SPECC1: variants seen among roughly 807,000 people sequenced by gnomAD.
The protein encoded by SPECC1 is sperm antigen with calponin homology and coiled-coil domains 1, also known as cytospin-B.
SPECC1 carries 62 observed loss-of-function variants against 104.1 expected under a neutral mutation model. The observed-to-expected ratio is 0.60, with a 90% CI of 0.49 to 0.74. The LOEUF (loss-of-function observed/expected upper bound fraction) is 0.74. SPECC1 is among the 30% of genes least tolerant of loss of function. The pLI is 0.00. For synonymous variants in SPECC1, 513 were observed against 501.6 expected (o/e 1.02, Z -0.30); for missense variants, 1,306 against 1,310.5 (o/e 1.00, Z 0.05).
intron 1 of SPECC1, among the ~76,000 whole-genome samples, chr17:20,034,358 A>G (rs1367540141): frequency 1.3e-5 from 2 of 152,162 alleles, no homozygotes; most frequent in African/African-American, 4.8e-5. Flanking sequence ...CGGCCTCCCA[A>G]AGTGCTGGGA....
intron 1 of SPECC1, among the ~76,000 whole-genome samples, chr17:20,021,269 A>G (rs1396131689): frequency 6.6e-6 from 1 of 152,012 alleles, no homozygotes; most frequent in Non-Finnish European, 1.5e-5. Context: ...TGTGCTATTC[A>G]AGGGTCACGC....
chr17:20,255,838 C>T (rs2039806089), intron 10 of SPECC1, among the ~76,000 whole-genome samples: 1 of 151,792 alleles, frequency 6.6e-6, no homozygotes, highest in East Asian at 1.9e-4. Context: ...TCCCAAAGCG[C>T]TGGGATTACA....
At chr17:20,216,594 C>T (rs2037504239) in intron 4 of SPECC1, among the ~76,000 whole-genome samples, 1 of 152,056 alleles carries the variant, frequency 6.6e-6, no homozygotes, top group African/African-American at 2.4e-5. Flanking sequence ...GCCTGCTTAT[C>T]CTCTGGGCCC....
At chr17:20,056,609 T>G (rs1352189956) in intron 1 of SPECC1, 1 of 191,988 alleles carries the variant, frequency 5.2e-6, no homozygotes, top group African/African-American at 2.3e-5. Flanking sequence ...CATAGAGGTT[T>G]CCTAAGACAC....
intron 1 of SPECC1, among the ~76,000 whole-genome samples, chr17:20,073,257 G>A (rs1457970269): frequency 1.3e-5 from 2 of 152,086 alleles, no homozygotes; most frequent in Non-Finnish European, 2.9e-5. Context: ...GTGGTGGGGC[G>A]TGGCTGAAGC....
At chr17:20,044,303 G>C (rs954874483) in intron 1 of SPECC1, among the ~76,000 whole-genome samples, 3 of 152,176 alleles carry the variant, frequency 2.0e-5, no homozygotes, top group African/African-American at 7.2e-5. Flanking sequence ...CGAGGTAGTG[G>C]TAAAGTATGG....
rs548183460 is a variant in SPECC1 at position 20,172,373 on chromosome 17, A to G, written c.284-31960A>G. On this transcript the variant is annotated intron_variant, in intron 3 of 14. Coordinates refer to ENST00000395527, the MANE Select transcript of SPECC1 (RefSeq NM_001243439.2). ...GTTTACTCCTGTTATTTTTACTCTC[A>G]AAAAGTGCCCCAATTTGGAAGATAA... 3.8e-3 allele frequency among the ~76,000 whole-genome samples: 576 copies of G among 152,280 alleles called. 2 individuals carry two copies. The highest frequency in any genetic ancestry group is 0.011 in the South Asian group (55 of 4,828).
chr17:20,213,384 C>A (rs1461007128), intron 4 of SPECC1, among the ~76,000 whole-genome samples: 1 of 152,134 alleles, frequency 6.6e-6, no homozygotes. Flanking sequence ...GGTGAGCCAA[C>A]GTACCCAGAG....
chr17:20,242,909 G>C (rs940737699), intron 7 of SPECC1, among the ~76,000 whole-genome samples: 1 of 152,100 alleles, frequency 6.6e-6, no homozygotes, highest in Non-Finnish European at 1.5e-5. Flanking sequence ...TGAAATTATC[G>C]ATTATTATCC....
At chr17:20,068,959 T>C (rs924912557) in intron 1 of SPECC1, among the ~76,000 whole-genome samples, 4 of 152,220 alleles carry the variant, frequency 2.6e-5, no homozygotes, top group Non-Finnish European at 4.4e-5. Flanking sequence ...TATCTTTTCA[T>C]TTTCTTTTTT....
intron 1 of SPECC1, among the ~76,000 whole-genome samples, chr17:20,071,080 G>A (rs2046533927): frequency 6.6e-6 from 1 of 151,986 alleles, no homozygotes; most frequent in Admixed American, 6.6e-5. Flanking sequence ...GAGTTCGGTG[G>A]CTATTTGCAA....
chr17:20,137,072 T>A (rs1717947518), intron 3 of SPECC1, among the ~76,000 whole-genome samples: 1 of 152,254 alleles, frequency 6.6e-6, no homozygotes, highest in Non-Finnish European at 1.5e-5. Context: ...CGGAAACCAC[T>A]CAGCTCCTTT....
At chr17:20,109,250 A>G (rs1254502915) in intron 2 of SPECC1, among the ~76,000 whole-genome samples, 1 of 152,224 alleles carries the variant, frequency 6.6e-6, no homozygotes, top group African/African-American at 2.4e-5. Flanking sequence ...TTTTCCCTTC[A>G]GCCTGTGTGA....
chr17:20,194,502 ATTTT>A (rs1209589252), intron 3 of SPECC1, among the ~76,000 whole-genome samples: 10 of 86,564 alleles, frequency 1.2e-4, no homozygotes, highest in East Asian at 3.9e-4. Context: ...AAGAGAACGA[ATTTT>A]TTTTTTTTTT....
At chr17:20,107,597 C>T (rs1422310686) in intron 2 of SPECC1, among the ~76,000 whole-genome samples, 1 of 151,840 alleles carries the variant, frequency 6.6e-6, no homozygotes, top group Non-Finnish European at 1.5e-5. Context: ...GCTGGGATTA[C>T]AGGCATGTGT....
intron 1 of SPECC1, among the ~76,000 whole-genome samples, chr17:20,055,872 G>A (rs146063341): frequency 6.6e-6 from 1 of 152,296 alleles, no homozygotes; most frequent in African/African-American, 2.4e-5. Context: ...TTGCAGGCTT[G>A]TGCTCAGCTG....
rs1262184313 is a variant in SPECC1 at position 20,317,621 on chromosome 17, G to A, written c.*3556G>A. The A allele has an allele frequency of 1.5e-5, 3 of 194,326 alleles. No individual in the cohort carries two copies. Among genetic ancestry groups the A allele is most frequent in the Non-Finnish European group, 2.1e-5 (2 of 93,498 alleles). 12.0% of individuals were successfully genotyped at this position (194,326 alleles called of 1,614,324 possible). A position where few individuals can be genotyped will look rare whatever the true frequency, so the allele number is the denominator to read the frequency against. ...GGCACCTGTAATCTCAGCTGCTTGG[G>A]AGGCTGAGGTGGGAGCATCACTTGA... On this transcript the variant is annotated 3_prime_UTR_variant, in exon 15 of 15. Coordinates refer to ENST00000395527, the MANE Select transcript of SPECC1 (RefSeq NM_001243439.2).
intron 1 of SPECC1, among the ~76,000 whole-genome samples, chr17:20,083,198 G>A (rs962758916): frequency 1.3e-5 from 2 of 152,184 alleles, no homozygotes; most frequent in Admixed American, 1.3e-4. Context: ...TAGGCAGCAG[G>A]CACAGCAGAA....
chr17:20,203,773 G>A (rs987154278), intron 3 of SPECC1, among the ~76,000 whole-genome samples: 2 of 152,220 alleles, frequency 1.3e-5, no homozygotes, highest in Non-Finnish European at 2.9e-5. Context: ...TAAATTGCAA[G>A]TTACAGAAAA....
Sources: allele counts gnomAD v4.1 joint callset (sites outside exome capture counted in the v4.1 genomes callset), GRCh38; gene constraint gnomAD v4.1.1; transcripts MANE v1.5; gene names NCBI Gene and HGNC (gene_info 2026-07-23, HGNC 2026-07-21).